The following CFAP54 variants were observed in gnomAD, a reference collection of about 807,000 sequenced individuals.
CFAP54 encodes cilia- and flagella-associated protein 54.
Under a neutral mutation model 370.4 loss-of-function variants are expected in CFAP54, and 290 were observed. That is an observed-to-expected ratio of 0.78 (90% CI 0.71 to 0.86). CFAP54 has a LOEUF of 0.86. CFAP54 is among the 40% of genes least tolerant of loss of function. The pLI is 0.00. For missense variants in CFAP54, 3,399 were observed against 3,528.7 expected, an observed-to-expected ratio of 0.96 and a Z score of 0.93; for synonymous variants, 1,206 against 1,236.5, an observed-to-expected ratio of 0.98 and a Z score of 0.52.
Position 96,647,866 on chromosome 12 carries a change from C to A in CFAP54, c.4548-9C>A. On this transcript the variant is annotated splice_polypyrimidine_tract_variant and intron_variant, in intron 33 of 67. Transcript: ENST00000524981. ...ATTGTTTTTTAATATGATTTTTCCC[C>A]CCTTGCAGTTTCCGATCATGTGATC... 1 of 1,494,302 alleles carries A rather than the reference C, an allele frequency of 6.7e-7. No individual in the cohort carries two copies. The highest frequency in any genetic ancestry group is 8.8e-7 in the Non-Finnish European group (1 of 1,131,748). 92.6% of individuals were successfully genotyped at this position (1,494,302 alleles called of 1,614,324 possible).
chr12:96,502,277 G>A (rs2136348932), intron 2 of CFAP54, among the ~76,000 whole-genome samples: 1 of 151,932 alleles, frequency 6.6e-6, no homozygotes, highest in East Asian at 1.9e-4. Context: ...TGTTGGCCAG[G>A]CTGGGCATGG....
chr12:96,520,009 C>T (rs1955285567), intron 6 of CFAP54, among the ~76,000 whole-genome samples: 1 of 151,994 alleles, frequency 6.6e-6, no homozygotes, highest in South Asian at 2.1e-4. Flanking sequence ...CCATTTAGTA[C>T]ACTTTGTTTT....
chr12:96,773,796 A>G (rs928477115), intron 60 of CFAP54, among the ~76,000 whole-genome samples: 4 of 152,140 alleles, frequency 2.6e-5, no homozygotes, highest in Admixed American at 6.5e-5. Context: ...CTCTTTTGCT[A>G]TTACATTCAT....
At chr12:96,726,917 CTTCAT>C (rs1957847825) in intron 50 of CFAP54, among the ~76,000 whole-genome samples, 1 of 152,030 alleles carries the variant, frequency 6.6e-6, no homozygotes, top group Non-Finnish European at 1.5e-5. Context: ...TTATTTCTGC[CTTCAT>C]TTCGTTATGT....
intron 51 of CFAP54, among the ~76,000 whole-genome samples, chr12:96,741,460 G>A (rs1481473014): frequency 6.6e-6 from 1 of 152,066 alleles, no homozygotes; most frequent in Non-Finnish European, 1.5e-5. Context: ...ACCGCGCCGC[G>A]CATGTTGACT....
At chr12:96,775,030 T>G (rs935093529) in intron 60 of CFAP54, among the ~76,000 whole-genome samples, 2 of 152,192 alleles carry the variant, frequency 1.3e-5, no homozygotes, top group Admixed American at 6.5e-5. Context: ...TAAGTCTACT[T>G]ATTTAAGTCT....
intron 36 of CFAP54, among the ~76,000 whole-genome samples, chr12:96,657,534 T>C (rs1018277569): frequency 6.6e-6 from 1 of 152,228 alleles, no homozygotes; most frequent in African/African-American, 2.4e-5. Flanking sequence ...ATGGTAAACA[T>C]TAGCCATATG....
chr12:96,786,674 G>T lies in CFAP54; in HGVS notation c.8456-1G>T, dbSNP rs764790916. The T allele has an allele frequency of 1.6e-5, 24 of 1,521,240 alleles. No homozygotes were observed. The South Asian group carries it at 1.8e-4, about 12-fold the overall frequency. 94.2% of individuals were successfully genotyped at this position (1,521,240 alleles called of 1,614,324 possible). On this transcript the variant is annotated splice_acceptor_variant, in intron 61 of 67. Transcript: ENST00000524981. LOFTEE classifies it high-confidence loss of function. ...AAACTAAGGTATTTTTCTTTCTTAA[G>T]CATCTGCAACACCAGTATCTGGAAT...
chr12:96,690,676 A>G (rs962096126), intron 43 of CFAP54, among the ~76,000 whole-genome samples: 1 of 152,126 alleles, frequency 6.6e-6, no homozygotes, highest in African/African-American at 2.4e-5. Flanking sequence ...TTTTTTAGCT[A>G]AATAGACATG....
intron 60 of CFAP54, among the ~76,000 whole-genome samples, chr12:96,779,715 G>A (rs1958562973): frequency 6.7e-6 from 1 of 148,708 alleles, no homozygotes; most frequent in Non-Finnish European, 1.5e-5. Context: ...TCAAGTACAG[G>A]GCCTTATAAA....
At chr12:96,748,726 A>G (rs1042625918) in intron 55 of CFAP54, among the ~76,000 whole-genome samples, 2 of 152,020 alleles carry the variant, frequency 1.3e-5, no homozygotes, top group African/African-American at 4.8e-5. Flanking sequence ...TCTAATTTTC[A>G]TTTTCTTTTG....
intron 63 of CFAP54, among the ~76,000 whole-genome samples, chr12:96,799,746 T>G (rs547805880): frequency 5.9e-5 from 9 of 152,304 alleles, no homozygotes; most frequent in Non-Finnish European, 1.2e-4. Flanking sequence ...AATAATGAAT[T>G]TGTAGTCTCT....
intron 9 of CFAP54, among the ~76,000 whole-genome samples, chr12:96,532,292 C>T (rs957380313): frequency 1.3e-5 from 2 of 152,084 alleles, no homozygotes; most frequent in Non-Finnish European, 2.9e-5. Flanking sequence ...TTAGTGTCCA[C>T]CTGAGAGGAG....
At chr12:96,693,454 G>A (rs936742329) in intron 44 of CFAP54, among the ~76,000 whole-genome samples, 8 of 152,126 alleles carry the variant, frequency 5.3e-5, no homozygotes, top group African/African-American at 1.7e-4. Flanking sequence ...ACCTCTTCCT[G>A]CTTAAAGAGA....
At chr12:96,521,458 C>T (rs909832034) in intron 6 of CFAP54, among the ~76,000 whole-genome samples, 12 of 150,954 alleles carry the variant, frequency 7.9e-5, no homozygotes, top group African/African-American at 2.9e-4. Context: ...GATAATACAG[C>T]ATGTCATGAT....
intron 63 of CFAP54, 90 bp downstream of exon 63, chr12:96,792,589 TATC>T (rs1263859267): frequency 1.0e-6 from 1 of 964,038 alleles, no homozygotes; most frequent in Non-Finnish European, 1.5e-6. Context: ...GACATTCTCT[TATC>T]ATATAGATGA....
chr12:96,846,026 C>A (rs935858855), intron 66 of CFAP54, among the ~76,000 whole-genome samples: 1 of 152,182 alleles, frequency 6.6e-6, no homozygotes, highest in Non-Finnish European at 1.5e-5. Context: ...AATAAAACTC[C>A]ATAAGCCAGA....
intron 66 of CFAP54, among the ~76,000 whole-genome samples, chr12:96,859,654 C>G (rs1380128822): frequency 6.6e-6 from 1 of 152,126 alleles, no homozygotes; most frequent in Non-Finnish European, 1.5e-5. Flanking sequence ...ATCCTCCCAC[C>G]TTGGCCTCCC....
Position 96,663,821 on chromosome 12 carries a change from T to G in CFAP54, c.5461-9T>G. On this transcript the variant is annotated splice_polypyrimidine_tract_variant and intron_variant, in intron 38 of 67. Transcript: ENST00000524981. ...CGACTAATATTTGTTTTCACCTTTC[T>G]TTTTAAAGATAACTTGCCGAAATTT... is the stretch of plus-strand genomic sequence containing the variant. 6.2e-7 allele frequency: 1 copy of G among 1,603,368 alleles called. No individual in the cohort carries two copies. Among genetic ancestry groups the G allele is most frequent in the Non-Finnish European group, 8.5e-7 (1 of 1,171,748 alleles).
Sources: gnomAD v4.1 joint callset for allele counts (sites outside exome capture counted in the v4.1 genomes callset) on GRCh38, gnomAD v4.1.1 for gene constraint, MANE v1.5 for transcripts, NCBI Gene and HGNC (gene_info 2026-07-23, HGNC 2026-07-21) for gene names.